Variants in DSE observed in about 807,000 individuals in gnomAD.
DSE encodes dermatan-sulfate epimerase.
In DSE, 36 loss-of-function variants were observed where a neutral mutation model predicts 84.4. The observed-to-expected ratio is 0.43, with a 90% CI of 0.33 to 0.56. DSE has a LOEUF of 0.56. DSE is among the 20% of genes least tolerant of loss of function. The pLI, the probability that DSE is intolerant of heterozygous loss-of-function variation, is 0.06. For missense variants in DSE, 862 were observed against 1,169.6 expected, an observed-to-expected ratio of 0.74 and a Z score of 3.84; for synonymous variants, 410 against 430.1, an observed-to-expected ratio of 0.95 and a Z score of 0.58.
At chr6:116,401,389 A>G (rs1225369509) in intron 2 of DSE, 1 of 152,150 alleles carries the variant, frequency 6.6e-6, no homozygotes, top group East Asian at 1.9e-4. Flanking sequence ...AGAAATAGGT[A>G]TAACTCTAGG....
At chr6:116,341,558 G>A (rs1158454986) in intron 2 of DSE, among the ~76,000 whole-genome samples, 1 of 152,222 alleles carries the variant, frequency 6.6e-6, no homozygotes, top group African/African-American at 2.4e-5. Context: ...TAGTCATAAA[G>A]TCCTTGCCCA....
intron 2 of DSE, among the ~76,000 whole-genome samples, chr6:116,299,547 T>C (rs1414473100): frequency 0.5 from 24,938 of 49,566 alleles, 4,943 homozygotes; most frequent in Middle Eastern, 0.62. Flanking sequence ...TATATATATA[T>C]ATATACACAT....
intron 2 of DSE, among the ~76,000 whole-genome samples, chr6:116,408,573 C>T (rs962391541): frequency 6.6e-6 from 1 of 152,188 alleles, no homozygotes; most frequent in Non-Finnish European, 1.5e-5. Flanking sequence ...ACTGTGGCTG[C>T]TCCTACTTAT....
At chr6:116,408,809 T>G (rs1782105602) in intron 2 of DSE, among the ~76,000 whole-genome samples, 1 of 152,246 alleles carries the variant, frequency 6.6e-6, no homozygotes, top group Non-Finnish European at 1.5e-5. Context: ...AATTTTGGTG[T>G]TCATCTTCTT....
chr6:116,430,421 A>G (rs912678034), intron 3 of DSE, among the ~76,000 whole-genome samples: 6 of 152,272 alleles, frequency 3.9e-5, no homozygotes, highest in Non-Finnish European at 7.3e-5. Flanking sequence ...ATCTTAATAT[A>G]CAAATCCTCT....
Position 116,304,179 on chromosome 6 carries a change from G to A in DSE, c.-54+45212G>A, listed in dbSNP as rs1445243086. ...AACAGTGGGTCAGAGGAGGGGAAAC[G>A]AAGGTCTCCTTAGTAGTTCCAGATA... On this transcript the variant is annotated intron_variant, in intron 2 of 3. Transcript: ENST00000430252. Among the ~76,000 whole-genome samples the A allele has an allele frequency of 4.0e-5, 6 of 151,608 alleles. No homozygotes were observed. The South Asian group carries it at 6.3e-4, about 16-fold the overall frequency.
At chr6:116,347,283 T>G (rs1327774536) in intron 2 of DSE, among the ~76,000 whole-genome samples, 1 of 152,144 alleles carries the variant, frequency 6.6e-6, no homozygotes, top group Non-Finnish European at 1.5e-5. Context: ...AAAGTTCATA[T>G]GGAACCAAAA....
rs769169826 is a variant in DSE at position 116,436,697 on chromosome 6, A to T, written c.2229A>T (p.Glu743Asp). 2 of 1,614,082 alleles carry T rather than the reference A, an allele frequency of 1.2e-6. No homozygotes were observed. The highest frequency in any genetic ancestry group is 1.1e-5 in the South Asian group (1 of 91,092). ...TGAAGGACTATGCTGCTATTGTGGA[A>T]CAGAACTTGCAGCATTTTAAACCAG... is the stretch of plus-strand genomic sequence containing the variant. Reference protein sequence around the residue: ...PEVKDYAAIVEQNLQHFKPVF... With the variant: ...PEVKDYAAIVDQNLQHFKPVF... The change falls in exon 6 of 6, where the codon GAA becomes GAT. Residue 743 changes from glutamate (E) to aspartate (D), a missense_variant. Transcript: ENST00000644252.
chr6:116,395,519 T>C (rs1336203965), intron 1 of DSE, among the ~76,000 whole-genome samples: 1 of 152,200 alleles, frequency 6.6e-6, no homozygotes, highest in Non-Finnish European at 1.5e-5. Context: ...TTGGCATCTC[T>C]CAAACTATAG....
chr6:116,433,609 A>T, intron 5 of DSE, 59 bp downstream of exon 5: 2 of 1,503,206 alleles, frequency 1.3e-6, no homozygotes, highest in Non-Finnish European at 1.8e-6. Flanking sequence ...TATTCATGCT[A>T]TGCACTTGTT....
intron 2 of DSE, among the ~76,000 whole-genome samples, chr6:116,316,826 C>CTACTACTATTAT (rs59889768): frequency 2.1e-5 from 3 of 145,868 alleles, no homozygotes; most frequent in South Asian, 2.2e-4. Context: ...ACTACTACTA[C>CTACTACTATTAT]TATTATTATT....
chr6:116,384,476 T>C (rs1780449122), intron 1 of DSE, among the ~76,000 whole-genome samples: 1 of 152,104 alleles, frequency 6.6e-6, no homozygotes, highest in African/African-American at 2.4e-5. Context: ...GAGGTGGACT[T>C]AGTGGGAGCT....
intron 2 of DSE, among the ~76,000 whole-genome samples, chr6:116,267,302 T>A (rs2114608341): frequency 6.6e-6 from 1 of 152,336 alleles, no homozygotes; most frequent in Admixed American, 6.5e-5. Context: ...CAACTCAGTA[T>A]GTGTTACTGC....
intron 2 of DSE, among the ~76,000 whole-genome samples, chr6:116,357,726 G>A (rs924499205): frequency 6.6e-6 from 1 of 152,122 alleles, no homozygotes; most frequent in African/African-American, 2.4e-5. Context: ...TTGCTGCTCT[G>A]AAGGGTGCAA....
intron 2 of DSE, among the ~76,000 whole-genome samples, chr6:116,358,418 C>T (rs1298355771): frequency 2.0e-5 from 3 of 152,144 alleles, no homozygotes; most frequent in Admixed American, 6.5e-5. Flanking sequence ...AAGAGTTATT[C>T]TTTAATTAAT....
In DSE at chr6:116,387,634, A is replaced by G. The variant is rs148782111; in HGVS notation, c.-53-11564A>G. Among the ~76,000 whole-genome samples, 263 of 152,326 alleles carry G rather than the reference A, an allele frequency of 1.7e-3. 1 individual carries two copies. The highest frequency in any genetic ancestry group is 5.9e-3 in the African/African-American group (244 of 41,568). On this transcript the variant is annotated intron_variant, in intron 1 of 5. Coordinates refer to ENST00000644252, the MANE Select transcript of DSE (RefSeq NM_013352.4). ...TGTGACTCAGACACACCTGAAGTCA[A>G]AAATAAACCTGACCACTCACTGAAT...
intron 3 of DSE, among the ~76,000 whole-genome samples, chr6:116,430,582 C>T (rs925565065): frequency 3.3e-5 from 5 of 151,974 alleles, no homozygotes; most frequent in African/African-American, 7.3e-5. Context: ...CGCTTTGTCG[C>T]CCTGGCTGGA....
chr6:116,360,587 C>CTT (rs1432706395), intron 2 of DSE, among the ~76,000 whole-genome samples: 1 of 152,138 alleles, frequency 6.6e-6, no homozygotes, highest in African/African-American at 2.4e-5. Flanking sequence ...TGTTAACTCT[C>CTT]AGTCCCTTTG....
intron 3 of DSE, among the ~76,000 whole-genome samples, chr6:116,428,409 A>G (rs1783589784): frequency 6.6e-6 from 1 of 152,196 alleles, no homozygotes; most frequent in South Asian, 2.1e-4. Context: ...TTATTTATTT[A>G]AGGGAAGGAG....
Sources: allele counts gnomAD v4.1 joint callset (sites outside exome capture counted in the v4.1 genomes callset), GRCh38; gene constraint gnomAD v4.1.1; transcripts MANE v1.5; gene names NCBI Gene and HGNC (gene_info 2026-07-23, HGNC 2026-07-21).